C10orf90: variants seen among roughly 807,000 people sequenced by gnomAD.
The protein encoded by C10orf90 is chromosome 10 open reading frame 90.
C10orf90 carries 56 observed loss-of-function variants against 62.5 expected under a neutral mutation model. That is an observed-to-expected ratio of 0.90 (90% CI 0.72 to 1.12). The LOEUF (loss-of-function observed/expected upper bound fraction) is 1.12, where lower values mean the gene tolerates loss of function less well. Among genes scored for constraint, C10orf90 ranks in the 50% most tolerant of loss-of-function variants. The pLI, the probability that C10orf90 is intolerant of heterozygous loss-of-function variation, is 0.00. For missense variants in C10orf90, 970 were observed against 880.4 expected, an observed-to-expected ratio of 1.10 and a Z score of -1.29; for synonymous variants, 386 against 340.4, an observed-to-expected ratio of 1.13 and a Z score of -1.47.
rs17154831 is a variant in C10orf90, at chr10:126,471,706, G to T, written c.1535-6720C>A. 2.0e-5 allele frequency among the ~76,000 whole-genome samples: 3 copies of T among 151,976 alleles called. No homozygotes were observed. In the South Asian group the frequency reaches 6.2e-4, roughly 31 times the overall value. ...ATTGTGCAGGCAACTCTCATTTGAC[G>T]TAAAGACTCACATGTAGTTGCTGCA... On this transcript the variant is annotated intron_variant, in intron 4 of 9. Coordinates refer to ENST00000488181, the MANE Select transcript of C10orf90 (RefSeq NM_001350921.2).
intron 4 of C10orf90, among the ~76,000 whole-genome samples, chr10:126,497,060 C>T (rs551349734): frequency 2.0e-5 from 3 of 152,282 alleles, no homozygotes; most frequent in African/African-American, 7.2e-5. Context: ...AGAGAAGAGC[C>T]CAGTGTCTGG....
At chr10:126,527,978 C>T (rs892907294) in intron 2 of C10orf90, among the ~76,000 whole-genome samples, 4 of 152,158 alleles carry the variant, frequency 2.6e-5, no homozygotes, top group Non-Finnish European at 5.9e-5. Context: ...TATAATTTAA[C>T]ATTTTTACCC....
intron 4 of C10orf90, among the ~76,000 whole-genome samples, chr10:126,487,142 C>CAAAAAAAAAAAAAAAAAA (rs1158481155): frequency 5.1e-4 from 15 of 29,458 alleles, no homozygotes; most frequent in Non-Finnish European, 6.0e-4. Context: ...AAAACTCTGT[C>CAAAAAAAAAAAAAAAAAA]AAAAAAAAAA....
At chr10:126,499,979 C>T (rs149392226) in intron 4 of C10orf90, among the ~76,000 whole-genome samples, 92 of 152,280 alleles carry the variant, frequency 6.0e-4, no homozygotes, top group African/African-American at 2.1e-3. Context: ...CAGGCATGCA[C>T]ATCCGGTGAG....
chr10:126,641,367 G>A (rs1846054696), intron 2 of C10orf90, among the ~76,000 whole-genome samples: 1 of 152,100 alleles, frequency 6.6e-6, no homozygotes, highest in African/African-American at 2.4e-5. Context: ...CAAGTTTTAA[G>A]TGAAATATAA....
intron 2 of C10orf90, among the ~76,000 whole-genome samples, chr10:126,543,484 G>T (rs747799504): frequency 6.6e-6 from 1 of 152,168 alleles, no homozygotes; most frequent in African/African-American, 2.4e-5. Context: ...GGTAATTCAG[G>T]ACAATTTTTC....
intron 2 of C10orf90, among the ~76,000 whole-genome samples, chr10:126,565,710 T>C (rs896078845): frequency 6.6e-6 from 1 of 151,992 alleles, no homozygotes; most frequent in Non-Finnish European, 1.5e-5. Context: ...GCCATCCCCA[T>C]GCAAGAACTC....
intron 4 of C10orf90, among the ~76,000 whole-genome samples, chr10:126,478,644 G>A (rs1470519661): frequency 6.6e-6 from 1 of 152,136 alleles, no homozygotes; most frequent in African/African-American, 2.4e-5. Flanking sequence ...GTCACTGGAT[G>A]AAGGCCAGAT....
chr10:126,584,996 G>C (rs2134020420), intron 2 of C10orf90, among the ~76,000 whole-genome samples: 1 of 152,144 alleles, frequency 6.6e-6, no homozygotes, highest in East Asian at 2.0e-4. Context: ...AGCCCCTGCA[G>C]AGTCTAAGCA....
intron 2 of C10orf90, among the ~76,000 whole-genome samples, chr10:126,565,408 A>ATT (rs1844356081): frequency 4.4e-5 from 2 of 44,974 alleles, no homozygotes; most frequent in South Asian, 1.2e-3. Context: ...TATTATATAT[A>ATT]ATATATATTA....
intron 2 of C10orf90, among the ~76,000 whole-genome samples, chr10:126,526,130 G>T (rs1863936835): frequency 6.6e-6 from 1 of 151,628 alleles, no homozygotes; most frequent in African/African-American, 2.4e-5. Context: ...ACAAAGTCAG[G>T]CTCCCTCAGT....
intron 4 of C10orf90, among the ~76,000 whole-genome samples, chr10:126,485,901 C>T (rs1305759718): frequency 6.6e-6 from 1 of 151,114 alleles, no homozygotes; most frequent in Non-Finnish European, 1.5e-5. Context: ...GAGGCGAGTT[C>T]GCGCCACTGC....
intron 2 of C10orf90, chr10:126,523,592 T>C (rs1863843092): frequency 6.6e-6 from 1 of 152,212 alleles, no homozygotes; most frequent in African/African-American, 2.4e-5. Context: ...AAAATACACA[T>C]AAAATGTACC....
intron 2 of C10orf90, chr10:126,521,316 A>C (rs139988332): frequency 1.1e-4 from 175 of 1,614,044 alleles, no homozygotes; most frequent in Non-Finnish European, 1.4e-4. Context: ...AGACAGTTTG[A>C]GCATATTCTA....
chr10:126,549,194 G>A (rs1864572029), intron 2 of C10orf90, among the ~76,000 whole-genome samples: 1 of 152,136 alleles, frequency 6.6e-6, no homozygotes, highest in African/African-American at 2.4e-5. Flanking sequence ...TTTCCTCTAT[G>A]AAAGACCTTG....
At chr10:126,450,271 C>T (rs1859091043) in intron 7 of C10orf90, among the ~76,000 whole-genome samples, 1 of 152,046 alleles carries the variant, frequency 6.6e-6, no homozygotes, top group African/African-American at 2.4e-5. Flanking sequence ...TCTGTACTAC[C>T]CAATGTGATC....
intron 1 of C10orf90, among the ~76,000 whole-genome samples, chr10:126,654,340 G>A (rs1404521456): frequency 6.6e-6 from 1 of 152,214 alleles, no homozygotes; most frequent in Non-Finnish European, 1.5e-5. Flanking sequence ...TGGATAACTT[G>A]CAGCAGCTTC....
At chr10:126,598,160 A>G (rs1398575720) in intron 2 of C10orf90, among the ~76,000 whole-genome samples, 2 of 152,208 alleles carry the variant, frequency 1.3e-5, no homozygotes, top group Non-Finnish European at 2.9e-5. Context: ...GGATCTCAAT[A>G]GCCTTGCTTA....
chr10:126,604,136 G>A (rs1845258026), intron 2 of C10orf90, among the ~76,000 whole-genome samples: 1 of 152,094 alleles, frequency 6.6e-6, no homozygotes, highest in South Asian at 2.1e-4. Context: ...GATGATTCCC[G>A]CATCAAGGCT....
Sources: gnomAD v4.1 joint callset for allele counts (sites outside exome capture counted in the v4.1 genomes callset) on GRCh38, gnomAD v4.1.1 for gene constraint, MANE v1.5 for transcripts, NCBI Gene and HGNC (gene_info 2026-07-23, HGNC 2026-07-21) for gene names.